The following GPM6A variants were observed in gnomAD, a reference collection of about 807,000 sequenced individuals.
GPM6A encodes the protein neuronal membrane glycoprotein M6-a.
A neutral mutation model predicts 32.1 loss-of-function variants in GPM6A; 7 were observed. The observed-to-expected ratio is 0.22, with a 90% confidence interval of 0.12 to 0.41. The LOEUF is 0.41. Ranked by LOEUF, GPM6A falls within the 10% of genes least tolerant of loss-of-function variation. GPM6A has a pLI of 1.00. For synonymous variants in GPM6A, 130 were observed against 123.4 expected, an observed-to-expected ratio of 1.05 and a Z score of -0.35; for missense variants, 235 against 347.2, an observed-to-expected ratio of 0.68 and a Z score of 2.57.
At chr4:175,966,708 A>G (rs528900663) in intron 1 of GPM6A, among the ~76,000 whole-genome samples, 1 of 152,096 alleles carries the variant, frequency 6.6e-6, no homozygotes, top group Non-Finnish European at 1.5e-5. Flanking sequence ...TTAACCTCCA[A>G]AACACCAAGA....
chr4:175,719,549 C>T (rs1234942065), intron 1 of GPM6A, among the ~76,000 whole-genome samples: 1 of 151,960 alleles, frequency 6.6e-6, no homozygotes, highest in Non-Finnish European at 1.5e-5. Context: ...CACAGTATGC[C>T]GTTTTGTATC....
chr4:175,898,919 T>C (rs1302530285), intron 1 of GPM6A, among the ~76,000 whole-genome samples: 1 of 152,140 alleles, frequency 6.6e-6, no homozygotes, highest in Non-Finnish European at 1.5e-5. Flanking sequence ...CACCTAAGAG[T>C]TTGCCAGGTA....
chr4:175,725,340 G>T (rs1746350359), intron 1 of GPM6A, among the ~76,000 whole-genome samples: 1 of 150,418 alleles, frequency 6.6e-6, no homozygotes, highest in African/African-American at 2.4e-5. Context: ...CACCCAGGCT[G>T]GAGTGCAGTG....
rs200516082 is a variant in GPM6A, at chr4:175,673,803, G to A, written c.264C>T (p.Ile88=). 8.5e-4 allele frequency: 1,374 copies of A among 1,609,896 alleles called. 26 individuals are homozygous for A. In the South Asian group the frequency reaches 0.014, roughly 16 times the overall value. The change falls in exon 3 of 7, where the codon ATC becomes ATT. Residue 88 remains isoleucine, a synonymous_variant. Transcript: ENST00000393658. ...IDIFKYVIYG[I]AAAFFVYGIL... ...TGCCATACACAAAGAACGCAGCTGC[G>A]ATGCCGTAGATCACATACTTAAAGA... is the stretch of plus-strand genomic sequence containing the variant.
intron 1 of GPM6A, among the ~76,000 whole-genome samples, chr4:175,992,809 C>T (rs939412673): frequency 6.6e-6 from 1 of 152,108 alleles, no homozygotes; most frequent in African/African-American, 2.4e-5. Flanking sequence ...TGCATTAACA[C>T]CAACTTCACG....
intron 1 of GPM6A, among the ~76,000 whole-genome samples, chr4:175,708,089 G>T (rs1745307088): frequency 1.3e-5 from 2 of 152,074 alleles, no homozygotes; most frequent in South Asian, 4.1e-4. Context: ...TATGCTAATT[G>T]CTGAGACCTT....
intron 2 of GPM6A, among the ~76,000 whole-genome samples, chr4:175,678,571 TG>T (rs1560869867): frequency 2.0e-5 from 3 of 152,112 alleles, no homozygotes; most frequent in Admixed American, 2.0e-4. Flanking sequence ...GAGAAGAACT[TG>T]GTAATGGTAA....
intron 1 of GPM6A, among the ~76,000 whole-genome samples, chr4:175,893,978 C>G (rs779240413): frequency 7.9e-5 from 12 of 152,046 alleles, no homozygotes; most frequent in Non-Finnish European, 1.8e-4. Flanking sequence ...GAGATCATTC[C>G]TGTTGAAATG....
chr4:175,691,868 G>A (rs1157799000), intron 2 of GPM6A, among the ~76,000 whole-genome samples: 1 of 152,212 alleles, frequency 6.6e-6, no homozygotes, highest in Non-Finnish European at 1.5e-5. Flanking sequence ...AGAGGCGAGA[G>A]AGACAGGGTC....
At chr4:175,933,026 A>T (rs72704545) in intron 1 of GPM6A, among the ~76,000 whole-genome samples, 1 of 151,934 alleles carries the variant, frequency 6.6e-6, no homozygotes, top group Non-Finnish European at 1.5e-5. Flanking sequence ...CTATAAAAAA[A>T]CACCACACAA....
intron 1 of GPM6A, among the ~76,000 whole-genome samples, chr4:175,883,549 T>C (rs1228670175): frequency 6.6e-6 from 1 of 152,172 alleles, no homozygotes; most frequent in Non-Finnish European, 1.5e-5. Flanking sequence ...GTATTTATAC[T>C]ACATATAATT....
chr4:175,749,261 T>C (rs1245319706), intron 1 of GPM6A, among the ~76,000 whole-genome samples: 1 of 152,170 alleles, frequency 6.6e-6, no homozygotes, highest in African/African-American at 2.4e-5. Context: ...ATAACTTTGA[T>C]AATCACTGAT....
At chr4:175,728,414 C>T (rs1455257300) in intron 1 of GPM6A, among the ~76,000 whole-genome samples, 2 of 152,108 alleles carry the variant, frequency 1.3e-5, no homozygotes, top group African/African-American at 2.4e-5. Flanking sequence ...CTTCTGAAGC[C>T]GGAGTACATG....
intron 1 of GPM6A, among the ~76,000 whole-genome samples, chr4:175,764,228 G>T (rs1732869157): frequency 6.6e-6 from 1 of 152,104 alleles, no homozygotes; most frequent in African/African-American, 2.4e-5. Context: ...CTAAGGATTT[G>T]CCTATCCCGA....
At position 175,945,460 on chromosome 4, in the gene GPM6A, A is replaced by C. The variant is rs902756982; in HGVS notation, c.-23+56849T>G. Among the ~76,000 whole-genome samples, 38 of 152,038 alleles carry C rather than the reference A, an allele frequency of 2.5e-4. 1 individual carries two copies. Among genetic ancestry groups the C allele is most frequent in the African/African-American group, 8.2e-4 (34 of 41,394 alleles). On this transcript the variant is annotated intron_variant, in intron 1 of 7. Coordinates refer to the GPM6A transcript ENST00000280187. ...TATAAGTGGGAACTAAGTAATACGC[A>C]CCCATATTACTCAGTTGTAAATAAT...
intron 1 of GPM6A, among the ~76,000 whole-genome samples, chr4:175,749,010 C>G (rs997076476): frequency 6.6e-6 from 1 of 152,188 alleles, no homozygotes; most frequent in East Asian, 1.9e-4. Flanking sequence ...TCTTTAACTT[C>G]CCCCCACCTC....
chr4:175,723,876 T>C (rs1427268454), intron 1 of GPM6A, among the ~76,000 whole-genome samples: 1 of 152,186 alleles, frequency 6.6e-6, no homozygotes, highest in African/African-American at 2.4e-5. Context: ...ATGTATAATA[T>C]ATTATACTTG....
chr4:175,910,961 C>A (rs1389507246), intron 1 of GPM6A, among the ~76,000 whole-genome samples: 2 of 152,142 alleles, frequency 1.3e-5, no homozygotes. Context: ...GCATGCCAAC[C>A]TCTCCCTCAG....
At chr4:175,794,781 C>G (rs144767722) in intron 1 of GPM6A, among the ~76,000 whole-genome samples, 1 of 152,074 alleles carries the variant, frequency 6.6e-6, no homozygotes, top group South Asian at 2.1e-4. Flanking sequence ...TGCTGAGAGA[C>G]TATTTCAATG....
Sources: gnomAD v4.1 joint callset for allele counts (sites outside exome capture counted in the v4.1 genomes callset) on GRCh38, gnomAD v4.1.1 for gene constraint, MANE v1.5 for transcripts, NCBI Gene and HGNC (gene_info 2026-07-23, HGNC 2026-07-21) for gene names.